Variants in LHFPL3 observed in about 807,000 individuals in gnomAD.
The protein encoded by LHFPL3 is LHFPL tetraspan subfamily member 3.
LHFPL3 carries 5 observed loss-of-function variants against 19.3 expected under a neutral mutation model. That is an observed-to-expected ratio of 0.26 (90% CI 0.14 to 0.54). LHFPL3 has a LOEUF of 0.54. LHFPL3 is among the 20% of genes least tolerant of loss of function. The pLI, the probability that LHFPL3 is intolerant of heterozygous loss-of-function variation, is 0.94. For missense variants in LHFPL3, 249 were observed against 307.4 expected, an observed-to-expected ratio of 0.81 and a Z score of 1.42; for synonymous variants, 133 against 126.2, an observed-to-expected ratio of 1.05 and a Z score of -0.36.
At chr7:104,338,663 T>A (rs1293190876) in intron 1 of LHFPL3, among the ~76,000 whole-genome samples, 2 of 152,034 alleles carry the variant, frequency 1.3e-5, no homozygotes, top group Non-Finnish European at 2.9e-5. Flanking sequence ...AATTTGAGAC[T>A]TTTTTCCTTT....
At chr7:104,615,209 T>C (rs183160690) in intron 1 of LHFPL3, among the ~76,000 whole-genome samples, 29 of 152,370 alleles carry the variant, frequency 1.9e-4, no homozygotes, top group Admixed American at 1.8e-3. Context: ...AAGTTTGGCA[T>C]ACCTTCTTCA....
At chr7:104,549,999 T>C (rs940461397) in intron 1 of LHFPL3, among the ~76,000 whole-genome samples, 1 of 152,072 alleles carries the variant, frequency 6.6e-6, no homozygotes. Flanking sequence ...TTTTAAGGAA[T>C]TGGCTCACAC....
chr7:104,602,308 G>A (rs370580525), intron 1 of LHFPL3, among the ~76,000 whole-genome samples: 61 of 152,114 alleles, frequency 4.0e-4, no homozygotes, highest in African/African-American at 9.6e-4. Context: ...GGTGTGAGCC[G>A]CTGCGCCCAG....
intron 1 of LHFPL3, among the ~76,000 whole-genome samples, chr7:104,675,960 AG>A (rs1792582731): frequency 6.6e-6 from 1 of 152,218 alleles, no homozygotes; most frequent in East Asian, 1.9e-4. Context: ...CCCTCAGCAT[AG>A]GGATGTTTTT....
At chr7:104,359,042 T>C (rs1329697439) in intron 1 of LHFPL3, among the ~76,000 whole-genome samples, 1 of 151,802 alleles carries the variant, frequency 6.6e-6, no homozygotes, top group Non-Finnish European at 1.5e-5. Context: ...AGCCAGGGAG[T>C]GAAATAGACC....
At chr7:104,682,082 A>G (rs1054558870) in intron 1 of LHFPL3, among the ~76,000 whole-genome samples, 2 of 152,248 alleles carry the variant, frequency 1.3e-5, no homozygotes, top group South Asian at 2.1e-4. Flanking sequence ...TATGAACTAC[A>G]TAATTACCAA....
chr7:104,462,684 T>C (rs1017192534), intron 1 of LHFPL3, among the ~76,000 whole-genome samples: 6 of 152,236 alleles, frequency 3.9e-5, no homozygotes, highest in Non-Finnish European at 7.3e-5. Flanking sequence ...ATCAAGGATA[T>C]TGGCCTCAAG....
At chr7:104,487,571 T>G (rs1793261447) in intron 1 of LHFPL3, among the ~76,000 whole-genome samples, 1 of 152,180 alleles carries the variant, frequency 6.6e-6, no homozygotes, top group Admixed American at 6.5e-5. Flanking sequence ...AGAAAACCCA[T>G]GCAGACACGA....
chr7:104,855,322 T>C (rs1489430714), intron 2 of LHFPL3, among the ~76,000 whole-genome samples: 1 of 152,214 alleles, frequency 6.6e-6, no homozygotes, highest in Non-Finnish European at 1.5e-5. Context: ...CCCTGCAGAC[T>C]GATGGGCCTA....
intron 1 of LHFPL3, among the ~76,000 whole-genome samples, chr7:104,651,213 G>A (rs1792029117): frequency 6.6e-6 from 1 of 152,204 alleles, no homozygotes; most frequent in South Asian, 2.1e-4. Context: ...CCCTGGTGAT[G>A]CAGTTTCTCT....
chr7:104,719,322 G>A (rs1793445315), intron 1 of LHFPL3, among the ~76,000 whole-genome samples: 1 of 151,858 alleles, frequency 6.6e-6, no homozygotes, highest in Non-Finnish European at 1.5e-5. Flanking sequence ...TACCTTTTAA[G>A]AACATATAAA....
intron 1 of LHFPL3, among the ~76,000 whole-genome samples, chr7:104,393,744 A>T (rs1791127153): frequency 6.6e-6 from 1 of 152,234 alleles, no homozygotes; most frequent in South Asian, 2.1e-4. Context: ...ATATATTCAT[A>T]CAAAGAATAT....
intron 1 of LHFPL3, among the ~76,000 whole-genome samples, chr7:104,732,936 A>G (rs868486835): frequency 6.6e-6 from 1 of 152,184 alleles, no homozygotes; most frequent in East Asian, 1.9e-4. Context: ...CTTTGTTCTC[A>G]TTGGTTTCAA....
At chr7:104,496,034 A>G (rs895065367) in intron 1 of LHFPL3, among the ~76,000 whole-genome samples, 2 of 152,082 alleles carry the variant, frequency 1.3e-5, no homozygotes, top group Non-Finnish European at 2.9e-5. Flanking sequence ...TTTGTTACAT[A>G]TGTATACATG....
At chr7:104,462,923 T>C (rs1792701281) in intron 1 of LHFPL3, among the ~76,000 whole-genome samples, 2 of 152,288 alleles carry the variant, frequency 1.3e-5, no homozygotes, top group South Asian at 2.1e-4. Context: ...TCAGAGCTCA[T>C]TATTGGTCTG....
chr7:104,427,180 A>C (rs1267810700), intron 1 of LHFPL3, among the ~76,000 whole-genome samples: 1 of 152,228 alleles, frequency 6.6e-6, no homozygotes, highest in Non-Finnish European at 1.5e-5. Flanking sequence ...AGGTGCCAGA[A>C]GGGAAGAAAG....
intron 1 of LHFPL3, among the ~76,000 whole-genome samples, chr7:104,694,566 A>T (rs929965704): frequency 2.6e-5 from 4 of 152,208 alleles, no homozygotes; most frequent in African/African-American, 9.6e-5. Context: ...CAGAAATATA[A>T]ACAAAGGTTT....
Position 104,634,866 on chromosome 7 carries a change from G to A in LHFPL3, c.446-101809G>A, listed in dbSNP as rs563759468. On this transcript the variant is annotated intron_variant, in intron 1 of 2. Transcript: ENST00000424859. ...ACTCTTAAATATAAATGGACAGAAA[G>A]GGATCATATGACATTTGAATAAAGT... 4.6e-5 allele frequency among the ~76,000 whole-genome samples: 7 copies of A among 152,172 alleles called. No homozygotes were observed. The East Asian group carries it at 1.4e-3, about 29-fold the overall frequency.
At chr7:104,416,423 A>G (rs1663417909) in intron 1 of LHFPL3, among the ~76,000 whole-genome samples, 1 of 152,188 alleles carries the variant, frequency 6.6e-6, no homozygotes. Flanking sequence ...TACACCACCC[A>G]TCACTGTATC....
Sources: allele counts gnomAD v4.1 joint callset (sites outside exome capture counted in the v4.1 genomes callset), GRCh38; gene constraint gnomAD v4.1.1; transcripts MANE v1.5; gene names NCBI Gene and HGNC (gene_info 2026-07-23, HGNC 2026-07-21).